The following SYNE2 variants were observed in gnomAD, a reference collection of about 807,000 sequenced individuals.
The protein encoded by SYNE2 is spectrin repeat containing nuclear envelope protein 2.
SYNE2 carries 431 observed loss-of-function variants against 856.3 expected under a neutral mutation model. That is an observed-to-expected ratio of 0.50 (90% CI 0.47 to 0.55). The LOEUF (loss-of-function observed/expected upper bound fraction) is 0.55, where lower values mean the gene tolerates loss of function less well. Among genes scored for constraint, SYNE2 ranks in the 20% least tolerant of loss-of-function variants. SYNE2 has a pLI of 0.00. For synonymous variants in SYNE2, 2,923 were observed against 2,872.3 expected (o/e 1.02, Z -0.56); for missense variants, 8,129 against 8,023.2 (o/e 1.01, Z -0.50).
At chr14:63,771,835 T>C (rs1012073078) in intron 1 of SYNE2, among the ~76,000 whole-genome samples, 8 of 151,890 alleles carry the variant, frequency 5.3e-5, no homozygotes, top group African/African-American at 1.9e-4. Context: ...AGGCGGAGGT[T>C]GCAGTGAACC....
intron 99 of SYNE2, chr14:64,190,548 T>A (rs2098513214): frequency 2.9e-6 from 2 of 692,812 alleles, no homozygotes. Context: ...TCTGCCTCTG[T>A]GTTAGCATTT....
intron 45 of SYNE2, 58 bp downstream of exon 45, chr14:64,031,415 G>A: frequency 6.7e-7 from 1 of 1,497,214 alleles, no homozygotes; most frequent in Non-Finnish European, 9.3e-7. Context: ...GAGGTATTTG[G>A]CTCTGAAAAG....
At chr14:64,198,493 T>C (rs945341665) in intron 99 of SYNE2, among the ~76,000 whole-genome samples, 6 of 152,188 alleles carry the variant, frequency 3.9e-5, no homozygotes, top group Non-Finnish European at 8.8e-5. Flanking sequence ...GGTAAGTTGT[T>C]ACCTGATGAT....
Position 64,223,378 on chromosome 14 carries a change from C to G in SYNE2, c.20380C>G (p.Gln6794Glu). ...AGATTTAATGGCCTTGCAGGGAACC[C>G]AGGTGAGTCTACTTGTAGCTTTTAA... ...SQDLMALQGT[Q>E]NPASPLPSFD... is the part of the protein sequence containing the mutation. The change falls in exon 113 of 116, where the codon CAG (glutamine) becomes GAG (glutamate). Residue 6794 changes from glutamine to glutamate, a missense_variant and splice_region_variant. Coordinates refer to ENST00000555002, the MANE Select transcript of SYNE2 (RefSeq NM_182914.3). The G allele has an allele frequency of 6.2e-7, 1 of 1,613,658 alleles. No individual in the cohort carries two copies.
chr14:64,088,847 A>AAGTGTTAAAG (rs1166493547), intron 58 of SYNE2, among the ~76,000 whole-genome samples: 1 of 152,228 alleles, frequency 6.6e-6, no homozygotes, highest in Non-Finnish European at 1.5e-5. Context: ...AGGGAATAGT[A>AAGTGTTAAAG]AGTGTTAAAG....
chr14:63,993,371 C>T (rs922882913), intron 21 of SYNE2, among the ~76,000 whole-genome samples: 22 of 152,158 alleles, frequency 1.4e-4, no homozygotes, highest in African/African-American at 4.8e-4. Flanking sequence ...GGTGACAGAT[C>T]GCGATCCTAT....
rs72718394 is a variant in SYNE2, at chr14:64,063,136, C to T, written c.10212+241C>T. Among the ~76,000 whole-genome samples the T allele has an allele frequency of 0.074, 11,327 of 152,220 alleles. 695 individuals carry two copies. Among genetic ancestry groups the T allele is most frequent in the African/African-American group, 0.17 (7,023 of 41,506 alleles). On this transcript the variant is annotated intron_variant, in intron 50 of 115. Transcript: ENST00000555002. ...TTGGCTCACTGCAGCTTCTACCTCC[C>T]GGCTTCAAGTGATTTGATTCTCCTG...
chr14:64,024,956 A>G lies in SYNE2; in HGVS notation c.5885A>G (p.Gln1962Arg). ...AACCTGAGGAAGTGGTTGACTAATC[A>G]AGAAGAGAAATGGAAAGGAATGGAA... The part of the protein sequence containing the change: ...HRNLRKWLTN[Q>R]EEKWKGMEEP... The change falls in exon 40 of 116, where the codon CAA becomes CGA. Residue 1962 changes from glutamine (Q) to arginine (R), a missense_variant. By Grantham distance (43) the Gln-to-Arg change is conservative. Transcript: ENST00000555002. The G allele has an allele frequency of 6.2e-7, 1 of 1,614,038 alleles. No homozygotes were observed. The highest frequency in any genetic ancestry group is 8.5e-7 in the Non-Finnish European group (1 of 1,179,930).
At chr14:64,180,992 A>T (rs949048409) in intron 96 of SYNE2, among the ~76,000 whole-genome samples, 1 of 152,106 alleles carries the variant, frequency 6.6e-6, no homozygotes, top group Non-Finnish European at 1.5e-5. Flanking sequence ...TTAAACTCTT[A>T]TGTTAATTCC....
chr14:64,019,883 GAA>G, intron 34 of SYNE2, 107 bp from the exon 35 acceptor site: 1 of 779,620 alleles, frequency 1.3e-6, no homozygotes, highest in South Asian at 1.6e-5. Context: ...ATGATTATGG[GAA>G]ATTCAAGGGC....
intron 103 of SYNE2, among the ~76,000 whole-genome samples, chr14:64,210,601 T>G (rs1184875402): frequency 6.6e-6 from 1 of 152,246 alleles, no homozygotes; most frequent in Non-Finnish European, 1.5e-5. Context: ...GATTATTCTC[T>G]GAATTTCAGA....
chr14:64,002,229 T>A, intron 29 of SYNE2, 148 bp downstream of exon 29: 1 of 737,166 alleles, frequency 1.4e-6, no homozygotes, highest in Non-Finnish European at 2.2e-6. Context: ...AGACTTGTTT[T>A]TTATTTCTTA....
intron 49 of SYNE2, among the ~76,000 whole-genome samples, chr14:64,057,257 C>T (rs369100063): frequency 6.6e-6 from 1 of 151,882 alleles, no homozygotes. Context: ...TTACCATCTC[C>T]CTTCCACCTC....
rs917431589 is a variant in SYNE2 at position 64,097,031 on chromosome 14, G to A, written c.12109-918G>A. ...GCAAGTTGAATGACATCTCTCAGAG[G>A]TGCTAGAGAGGAGGATGTTAGTGTA... On this transcript the variant is annotated intron_variant, in intron 61 of 115. Coordinates refer to ENST00000555002, the MANE Select transcript of SYNE2 (RefSeq NM_182914.3). 1.8e-4 allele frequency among the ~76,000 whole-genome samples: 28 copies of A among 152,194 alleles called. No individual in the cohort carries two copies. The South Asian group carries it at 1.9e-3, about 10-fold the overall frequency.
At chr14:64,156,529 G>A (rs1335277009) in intron 85 of SYNE2, among the ~76,000 whole-genome samples, 1 of 151,240 alleles carries the variant, frequency 6.6e-6, no homozygotes, top group African/African-American at 2.4e-5. Flanking sequence ...CATGATCTCA[G>A]CTCACTGCAA....
intron 1 of SYNE2, among the ~76,000 whole-genome samples, chr14:63,839,678 G>A (rs1170166586): frequency 2.6e-5 from 4 of 152,066 alleles, no homozygotes; most frequent in African/African-American, 9.7e-5. Context: ...CTGGGCAACA[G>A]AGCAAGACCT....
chr14:63,990,275 TATC>T, intron 19 of SYNE2, 133 bp from the exon 20 acceptor site: 1 of 741,674 alleles, frequency 1.3e-6, no homozygotes, highest in South Asian at 1.8e-5. Context: ...CTCCTTAAAA[TATC>T]ATTTTTCAGA....
At chr14:64,079,284 T>C (rs892749452) in intron 55 of SYNE2, among the ~76,000 whole-genome samples, 1 of 152,242 alleles carries the variant, frequency 6.6e-6, no homozygotes, top group Non-Finnish European at 1.5e-5. Flanking sequence ...TTTATTTCCC[T>C]TGTAAAATAT....
chr14:64,210,263 CAAAG>C, intron 103 of SYNE2, 139 bp downstream of exon 103: 18 of 1,109,902 alleles, frequency 1.6e-5, no homozygotes, highest in Non-Finnish European at 2.1e-5. Flanking sequence ...TCCTCCAACA[CAAAG>C]AAGCCCAAAG....
Sources: allele counts gnomAD v4.1 joint callset (sites outside exome capture counted in the v4.1 genomes callset), GRCh38; gene constraint gnomAD v4.1.1; transcripts MANE v1.5; gene names NCBI Gene and HGNC (gene_info 2026-07-23, HGNC 2026-07-21).